Variants in FRYL observed in about 807,000 individuals in gnomAD.
FRYL encodes the protein protein furry homolog-like.
In FRYL, 150 loss-of-function variants were observed where a neutral mutation model predicts 351.2. The ratio of observed to expected loss-of-function variants is 0.43; its 90% CI spans 0.37 to 0.49. FRYL has a LOEUF of 0.49. FRYL is among the 20% of genes least tolerant of loss of function. The pLI, the probability that FRYL is intolerant of heterozygous loss-of-function variation, is 0.00. For synonymous variants in FRYL, 1,153 were observed against 1,257.1 expected (o/e 0.92, Z 1.75); for missense variants, 3,036 against 3,619.3 (o/e 0.84, Z 4.13).
chr4:48,534,810 G>C, intron 48 of FRYL, 125 bp from the exon 49 acceptor site: 1 of 575,538 alleles, frequency 1.7e-6, no homozygotes, highest in South Asian at 2.8e-5. Context: ...ATGTGGATTA[G>C]AAATCTAGAG....
Position 48,738,665 on chromosome 4 carries a change from CT to C in FRYL, c.-383-27968del, listed in dbSNP as rs748249556. ...GGAATATGCCACCATACATGGCTAACTTTTTTTTTTTTTTTTTTTGGTAGAG... is the reference window on the plus strand; with the variant it reads ...GGAATATGCCACCATACATGGCTAACTTTTTTTTTTTTTTTTTTGGTAGAG... On this transcript the variant is annotated intron_variant, in intron 1 of 63. Transcript: ENST00000358350. 5.4e-3 allele frequency among the ~76,000 whole-genome samples: 717 copies of C among 132,830 alleles called. 1 individual carries two copies. Among genetic ancestry groups the C allele is most frequent in the South Asian group, 8.1e-3 (33 of 4,092 alleles). 87.1% of individuals were successfully genotyped at this position (132,830 alleles called of 152,430 possible).
At chr4:48,775,088 C>G (rs992512825) in intron 1 of FRYL, among the ~76,000 whole-genome samples, 4 of 152,188 alleles carry the variant, frequency 2.6e-5, no homozygotes, top group Non-Finnish European at 5.9e-5. Context: ...CCCACAGGAA[C>G]AGCAGTGTTT....
At chr4:48,563,270 C>T (rs1391476103) in intron 31 of FRYL, among the ~76,000 whole-genome samples, 2 of 148,794 alleles carry the variant, frequency 1.3e-5, no homozygotes, top group Non-Finnish European at 3.0e-5. Flanking sequence ...CTAAAAACAG[C>T]TGATGAACTA....
At chr4:48,728,692 A>G (rs1316251340) in intron 1 of FRYL, among the ~76,000 whole-genome samples, 12 of 152,238 alleles carry the variant, frequency 7.9e-5, no homozygotes, top group Non-Finnish European at 1.5e-4. Flanking sequence ...AAGAACAAAG[A>G]TAAGATTTAC....
chr4:48,535,580 T>TACACACAC lies in FRYL; in HGVS notation c.6564+76_6564+77insGTGTGTGT, dbSNP rs1242840175. ...TAAAATATATATATGTGTATATATATACACATACACACACACACACACACA... is the reference window on the plus strand; with the variant it reads ...TAAAATATATATATGTGTATATATATACACACACACACATACACACACACACACACACA... On this transcript the variant is annotated intron_variant, in intron 48 of 63. Transcript: ENST00000358350. 9.4e-6 allele frequency: 5 copies of TACACACAC among 534,318 alleles called. No homozygotes were observed. In the Admixed American group the frequency reaches 2.0e-4, roughly 21 times the overall value. 33.1% of individuals were successfully genotyped at this position (534,318 alleles called of 1,614,324 possible). A position where few individuals can be genotyped will look rare whatever the true frequency, so the allele number is the denominator to read the frequency against.
chr4:48,500,029 C>T lies in FRYL; in HGVS notation c.8783+1G>A, dbSNP rs1174655956. 1 of 1,573,118 alleles carries T rather than the reference C, an allele frequency of 6.4e-7. No individual in the cohort carries two copies. The highest frequency in any genetic ancestry group is 2.1e-5 in the Admixed American group (1 of 48,328). ...CACCTTTAAATCCCGTCACGTTTTA[C>T]CTGAAAGCTTTGACTTGTGCTACAG... On this transcript the variant is annotated splice_donor_variant, in intron 63 of 63. Coordinates refer to ENST00000358350, the MANE Select transcript of FRYL (RefSeq NM_015030.2). LOFTEE classifies it high-confidence loss of function.
chr4:48,540,052 G>C lies in FRYL; in HGVS notation c.6312C>G (p.Ile2104Met). 1.2e-6 allele frequency: 2 copies of C among 1,612,264 alleles called. No individual in the cohort carries two copies. The highest frequency in any genetic ancestry group is 8.5e-7 in the Non-Finnish European group (1 of 1,179,232). Residue 2104 changes from isoleucine (I) to methionine (M), a missense_variant, in exon 47 of 64, where the codon ATC becomes ATG. Ile to Met is a conservative substitution (Grantham distance 10). This residue lies in a region of FRYL where 1,987 missense variants were observed against 2,311.7 expected (regional missense o/e 0.86). Transcript: ENST00000358350. ...GGATTAAGTGAGGCAATAAGCAAAG[G>C]ATGTTAAGAGGAAAGCCTATCAAAA... ...PSQLSGFPLN[I>M]LCLLPHLIQH...
chr4:48,711,422 T>C lies in FRYL; in HGVS notation c.-383-724A>G, dbSNP rs557111793. On this transcript the variant is annotated intron_variant, in intron 1 of 63. Transcript: ENST00000358350. ...GCACCAGGAGATTATATCCTGCACA[T>C]GGCTCAGAGGGTCCTACGACCACGG... Among the ~76,000 whole-genome samples the C allele has an allele frequency of 2.0e-5, 3 of 152,388 alleles. No homozygotes were observed. In the East Asian group the frequency reaches 5.8e-4, roughly 29 times the overall value.
chr4:48,770,425 TTTTATTTTTTA>T (rs990157772), intron 1 of FRYL, among the ~76,000 whole-genome samples: 22 of 152,116 alleles, frequency 1.4e-4, no homozygotes, highest in African/African-American at 5.1e-4. Context: ...TTAATGTCTT[TTTTATTTTTTA>T]TTTATTTTTT....
intron 1 of FRYL, among the ~76,000 whole-genome samples, chr4:48,779,369 G>C (rs559574852): frequency 2.6e-5 from 4 of 152,214 alleles, no homozygotes; most frequent in Non-Finnish European, 4.4e-5. Context: ...TCCGGCTCCG[G>C]AAGACTCCGG....
intron 23 of FRYL, among the ~76,000 whole-genome samples, chr4:48,577,140 GTTAA>G (rs1443204582): frequency 6.6e-6 from 1 of 152,022 alleles, no homozygotes; most frequent in African/African-American, 2.4e-5. Flanking sequence ...TGAATATATG[GTTAA>G]TTATTTTCTT....
chr4:48,557,390 T>C, intron 34 of FRYL, 63 bp downstream of exon 34: 1 of 1,584,744 alleles, frequency 6.3e-7, no homozygotes, highest in Admixed American at 1.7e-5. Flanking sequence ...TTCATCTGTT[T>C]CTAACCACAT....
At chr4:48,714,622 A>T (rs888733206) in intron 1 of FRYL, among the ~76,000 whole-genome samples, 53 of 149,864 alleles carry the variant, frequency 3.5e-4, no homozygotes, top group African/African-American at 1.3e-3. Flanking sequence ...AAATTGTGGC[A>T]ATAATCAATA....
At position 48,620,685 on chromosome 4, in the gene FRYL, C is replaced by T. The variant is rs1287459494; in HGVS notation, c.268G>A (p.Asp90Asn). The T allele has an allele frequency of 1.2e-6, 2 of 1,613,850 alleles. No homozygotes were observed. The highest frequency in any genetic ancestry group is 1.7e-5 in the Admixed American group (1 of 60,000). The change falls in exon 6 of 64, where the codon GAT becomes AAT. Residue 90 changes from aspartate (D) to asparagine (N), a missense_variant. By Grantham distance (23) the Asp-to-Asn change is conservative. Transcript: ENST00000358350. ...CGAGGCCTATATTCATAAGATTCAT[C>T]TTCCGTTCCATTTTGGCGTCTGTAC... ...DWYRRQNGTE[D>N]ESYEYRPRSS...
intron 1 of FRYL, among the ~76,000 whole-genome samples, chr4:48,779,612 G>A (rs1196803344): frequency 6.6e-6 from 1 of 151,982 alleles, no homozygotes; most frequent in Non-Finnish European, 1.5e-5. Flanking sequence ...AGCCGTGGTC[G>A]CCGGTCTTCC....
At chr4:48,523,802 A>T (rs1725395870) in intron 53 of FRYL, among the ~76,000 whole-genome samples, 2 of 152,248 alleles carry the variant, frequency 1.3e-5, no homozygotes, top group South Asian at 2.1e-4. Context: ...GCAAAAACTG[A>T]CTTTAAATAC....
intron 14 of FRYL, 87 bp downstream of exon 14, chr4:48,595,810 A>C: frequency 9.0e-7 from 1 of 1,111,354 alleles, no homozygotes; most frequent in Non-Finnish European, 1.3e-6. Flanking sequence ...CCACCCACAA[A>C]GTATAATGTT....
At chr4:48,612,723 C>T (rs776600) in intron 7 of FRYL, among the ~76,000 whole-genome samples, 143,745 of 151,784 alleles carry the variant, frequency 0.95, 68,176 homozygotes, top group South Asian at 0.98. Flanking sequence ...GGACTACAGG[C>T]GCCTGCCACC....
At chr4:48,665,365 T>C (rs969516038) in intron 3 of FRYL, among the ~76,000 whole-genome samples, 4 of 152,214 alleles carry the variant, frequency 2.6e-5, no homozygotes, top group Non-Finnish European at 4.4e-5. Context: ...ATAAAACATC[T>C]GCTCTTTCCA....
Sources: allele counts gnomAD v4.1 joint callset (sites outside exome capture counted in the v4.1 genomes callset), GRCh38; gene constraint gnomAD v4.1.1; regional missense constraint gnomAD v4.1.1; transcripts MANE v1.5; gene names NCBI Gene and HGNC (gene_info 2026-07-23, HGNC 2026-07-21).